The following ZFR variants were observed in gnomAD, a reference collection of about 807,000 sequenced individuals.
The protein encoded by ZFR is zinc finger RNA binding protein, also known as zinc finger RNA-binding protein.
Under a neutral mutation model 130.7 loss-of-function variants are expected in ZFR, and 19 were observed. The ratio of observed to expected loss-of-function variants is 0.15; its 90% CI spans 0.10 to 0.21. ZFR has a LOEUF of 0.21. Among genes scored for constraint, ZFR ranks in the 10% least tolerant of loss-of-function variants. The pLI is 1.00. For missense variants in ZFR, 872 were observed against 1,321.5 expected (o/e 0.66, Z 5.27); for synonymous variants, 466 against 456.9 (o/e 1.02, Z -0.25).
chr5:32,378,238 T>C (rs1752866910), intron 17 of ZFR, among the ~76,000 whole-genome samples: 1 of 152,170 alleles, frequency 6.6e-6, no homozygotes, highest in Non-Finnish European at 1.5e-5. Flanking sequence ...AGCAAAAGAT[T>C]GTAAACCTAA....
Position 32,385,658 on chromosome 5 carries a change from TGAAG to T in ZFR, c.2500-13_2500-10del. 6.2e-7 allele frequency: 1 copy of T among 1,610,730 alleles called. No homozygotes were observed. Among genetic ancestry groups the T allele is most frequent in the African/African-American group, 1.3e-5 (1 of 74,932 alleles). ...TTCTCAGGGCTTATAACCTGTGTAA[TGAAG>T]ATGATAAGAAACAAATTGGATCTGT... On this transcript the variant is annotated splice_polypyrimidine_tract_variant and intron_variant, in intron 14 of 19. Transcript: ENST00000265069.
chr5:32,424,096 G>C (rs764662664), intron 2 of ZFR, among the ~76,000 whole-genome samples: 6 of 152,180 alleles, frequency 3.9e-5, no homozygotes, highest in Non-Finnish European at 8.8e-5. Context: ...CAGCAGCTGT[G>C]GTGGCAGCAG....
intron 15 of ZFR, chr5:32,380,387 T>C: frequency 2.5e-6 from 1 of 407,284 alleles, no homozygotes; most frequent in South Asian, 4.2e-5. Context: ...AAACAATTTC[T>C]GGAAATATAA....
intron 17 of ZFR, among the ~76,000 whole-genome samples, chr5:32,375,486 A>C (rs1055425584): frequency 5.9e-5 from 9 of 152,326 alleles, no homozygotes; most frequent in South Asian, 2.1e-4. Flanking sequence ...ATTGGAAAGA[A>C]GGCAAAATAT....
chr5:32,392,728 C>G (rs1396872958), intron 11 of ZFR, among the ~76,000 whole-genome samples: 1 of 152,182 alleles, frequency 6.6e-6, no homozygotes, highest in Non-Finnish European at 1.5e-5. Flanking sequence ...GTCGTGGTGG[C>G]TCATACATGT....
intron 13 of ZFR, 60 bp downstream of exon 13, chr5:32,388,391 ATAAGCTATATTTCAAATG>A: frequency 7.4e-7 from 1 of 1,348,246 alleles, no homozygotes; most frequent in Non-Finnish European, 1.0e-6. Flanking sequence ...GTTACCAGTC[ATAAGCTATATTTCAAATG>A]TAAGAAGTCC....
Position 32,364,065 on chromosome 5 carries a change from G to A in ZFR, c.2948-20C>T. 1 of 1,610,756 alleles carries A rather than the reference G, an allele frequency of 6.2e-7. No homozygotes were observed. Among genetic ancestry groups the A allele is most frequent in the Non-Finnish European group, 8.5e-7 (1 of 1,177,330 alleles). ...GACTACCTACAGCAATCACCACAGG[G>A]AGAGGAAATTATTAGCATTGTCCAC... On this transcript the variant is annotated intron_variant, in intron 18 of 19. Transcript: ENST00000265069.
chr5:32,373,219 C>T (rs978637931), intron 17 of ZFR, among the ~76,000 whole-genome samples: 3 of 152,032 alleles, frequency 2.0e-5, no homozygotes, highest in Admixed American at 6.6e-5. Context: ...ATGGTGAAAA[C>T]CCATCTCTAC....
At chr5:32,388,220 T>C (rs749135967) in intron 13 of ZFR, among the ~76,000 whole-genome samples, 4 of 152,150 alleles carry the variant, frequency 2.6e-5, no homozygotes, top group Non-Finnish European at 5.9e-5. Flanking sequence ...TGCTTTGAAA[T>C]AGACTCAAAA....
intron 11 of ZFR, among the ~76,000 whole-genome samples, chr5:32,392,032 C>G (rs1753192555): frequency 6.6e-6 from 1 of 152,190 alleles, no homozygotes; most frequent in South Asian, 2.1e-4. Context: ...CCGTGCCCAG[C>G]CAGCAGTGCT....
At chr5:32,411,179 T>A (rs1242293848) in intron 5 of ZFR, among the ~76,000 whole-genome samples, 1 of 152,164 alleles carries the variant, frequency 6.6e-6, no homozygotes, top group Non-Finnish European at 1.5e-5. Flanking sequence ...AAGCTCAAAG[T>A]GTATCTGTAA....
intron 13 of ZFR, among the ~76,000 whole-genome samples, chr5:32,388,250 A>G (rs560857147): frequency 2.0e-5 from 3 of 152,326 alleles, no homozygotes; most frequent in African/African-American, 7.2e-5. Flanking sequence ...TAAACTTAAA[A>G]TGAGTACAAT....
intron 11 of ZFR, among the ~76,000 whole-genome samples, chr5:32,394,714 C>A (rs533319360): frequency 2.6e-5 from 4 of 152,214 alleles, no homozygotes; most frequent in African/African-American, 9.6e-5. Context: ...TAAAACTTAA[C>A]ATTTGTATCT....
intron 2 of ZFR, among the ~76,000 whole-genome samples, chr5:32,424,491 C>T (rs1489517696): frequency 6.6e-6 from 1 of 150,700 alleles, no homozygotes; most frequent in Non-Finnish European, 1.5e-5. Context: ...AGATCGCGCG[C>T]CACTGCAGTC....
rs556069783 is a variant in ZFR, at chr5:32,422,859, G to C, written c.138-2756C>G. ...AACACTTCAAGCATCAGACATAAAT[G>C]GAAGAGTACTTTCCCTGAGGAGAAA... is the stretch of plus-strand genomic sequence containing the variant. On this transcript the variant is annotated intron_variant, in intron 2 of 19. Coordinates refer to ENST00000265069, the MANE Select transcript of ZFR (RefSeq NM_016107.5). 8.0e-5 allele frequency among the ~76,000 whole-genome samples: 11 copies of C among 136,910 alleles called. No individual in the cohort carries two copies. In the South Asian group the frequency reaches 2.7e-3, roughly 33 times the overall value. 89.8% of individuals were successfully genotyped at this position (136,910 alleles called of 152,430 possible).
intron 5 of ZFR, among the ~76,000 whole-genome samples, chr5:32,413,307 C>T (rs920933376): frequency 3.3e-5 from 5 of 151,854 alleles, no homozygotes; most frequent in Admixed American, 1.3e-4. Flanking sequence ...CTTAGTGACA[C>T]GAAAGGCAAT....
chr5:32,381,499 T>TTAA (rs1189504929), intron 15 of ZFR, among the ~76,000 whole-genome samples: 2 of 152,026 alleles, frequency 1.3e-5, no homozygotes, highest in Non-Finnish European at 2.9e-5. Context: ...AGAATACAGT[T>TTAA]TAATAATCGA....
intron 17 of ZFR, among the ~76,000 whole-genome samples, chr5:32,377,018 G>A (rs1488069129): frequency 1.3e-5 from 2 of 149,592 alleles, no homozygotes; most frequent in Admixed American, 1.3e-4. Context: ...TTAGCCGGGC[G>A]TGGTGGCAGG....
At chr5:32,417,555 T>C (rs1753854081) in intron 4 of ZFR, 93 bp downstream of exon 4, 2 of 1,519,854 alleles carry the variant, frequency 1.3e-6, no homozygotes, top group Admixed American at 3.5e-5. Context: ...GTGATATGAG[T>C]TTAGATGGAC....
Sources: allele counts gnomAD v4.1 joint callset (sites outside exome capture counted in the v4.1 genomes callset), GRCh38; gene constraint gnomAD v4.1.1; transcripts MANE v1.5; gene names NCBI Gene and HGNC (gene_info 2026-07-23, HGNC 2026-07-21).